Variants in FAM135B observed in about 807,000 individuals in gnomAD.
FAM135B encodes protein FAM135B.
In FAM135B, 43 loss-of-function variants were observed where a neutral mutation model predicts 127.7. The ratio of observed to expected loss-of-function variants is 0.34; its 90% CI spans 0.26 to 0.43. The LOEUF (loss-of-function observed/expected upper bound fraction) is 0.43, where lower values mean the gene tolerates loss of function less well. Among genes scored for constraint, FAM135B ranks in the 20% least tolerant of loss-of-function variants. The pLI is 1.00. For synonymous variants in FAM135B, 670 were observed against 665.1 expected (o/e 1.01, Z -0.11); for missense variants, 1,558 against 1,725.6 (o/e 0.90, Z 1.72).
intron 7 of FAM135B, among the ~76,000 whole-genome samples, chr8:138,233,426 C>G (rs1586838857): frequency 1.3e-5 from 2 of 152,252 alleles, no homozygotes; most frequent in South Asian, 4.1e-4. Context: ...AAATGGCTGC[C>G]TCCGCAACAA....
chr8:138,410,441 G>A (rs1314876383), intron 1 of FAM135B, among the ~76,000 whole-genome samples: 1 of 152,152 alleles, frequency 6.6e-6, no homozygotes, highest in Non-Finnish European at 1.5e-5. Flanking sequence ...TATGGAACTG[G>A]CGATATAGCC....
At chr8:138,236,001 G>T (rs754803739) in intron 7 of FAM135B, among the ~76,000 whole-genome samples, 1 of 152,140 alleles carries the variant, frequency 6.6e-6, no homozygotes, top group East Asian at 1.9e-4. Context: ...TGATCTCCAC[G>T]GGTGAGCCAA....
intron 1 of FAM135B, among the ~76,000 whole-genome samples, chr8:138,370,529 G>A (rs1445582266): frequency 5.9e-5 from 9 of 152,066 alleles, no homozygotes; most frequent in Admixed American, 2.0e-4. Flanking sequence ...TCGGCTCACT[G>A]CAAGCTCGCC....
Position 138,379,982 on chromosome 8 carries a change from C to G in FAM135B, c.-19-11980G>C, listed in dbSNP as rs570488171. ...GTCTTGAGAGTCTATGAATATCACA[C>G]CATCTAATTTTAAGGTTCTGCATTT... On this transcript the variant is annotated intron_variant, in intron 1 of 19. Coordinates refer to ENST00000395297, the MANE Select transcript of FAM135B (RefSeq NM_015912.4). Among the ~76,000 whole-genome samples, 43 of 152,196 alleles carry G rather than the reference C, an allele frequency of 2.8e-4. 1 individual carries two copies. Among genetic ancestry groups the G allele is most frequent in the African/African-American group, 9.9e-4 (41 of 41,530 alleles).
intron 3 of FAM135B, among the ~76,000 whole-genome samples, chr8:138,292,010 T>C (rs6577905): frequency 0.59 from 90,146 of 151,902 alleles, 28,631 homozygotes; most frequent in Non-Finnish European, 0.73. Context: ...TGATCTCATA[T>C]ACAGAGAAGC....
chr8:138,465,375 C>T (rs940908011), intron 1 of FAM135B, among the ~76,000 whole-genome samples: 5 of 152,204 alleles, frequency 3.3e-5, no homozygotes, highest in African/African-American at 1.2e-4. Context: ...GATGGAGCAT[C>T]TCAGGCTTCA....
chr8:138,459,003 G>C (rs1836968011), intron 1 of FAM135B: 1 of 152,236 alleles, frequency 6.6e-6, no homozygotes, highest in African/African-American at 2.4e-5. Flanking sequence ...CAAGCCCAGG[G>C]AATACAGCAG....
chr8:138,231,384 C>T (rs1458528125), intron 7 of FAM135B, among the ~76,000 whole-genome samples: 1 of 152,158 alleles, frequency 6.6e-6, no homozygotes, highest in Non-Finnish European at 1.5e-5. Flanking sequence ...CAGACTTGTT[C>T]ACCACCAACA....
intron 1 of FAM135B, among the ~76,000 whole-genome samples, chr8:138,466,959 G>T (rs909816916): frequency 1.3e-5 from 2 of 152,148 alleles, no homozygotes; most frequent in African/African-American, 4.8e-5. Flanking sequence ...GATTAAGGAG[G>T]TGTGACAAGG....
In FAM135B at chr8:138,177,434, C is replaced by T; in HGVS notation, c.1030-14G>A. 6.2e-7 allele frequency: 1 copy of T among 1,607,444 alleles called. No individual in the cohort carries two copies. Among genetic ancestry groups the T allele is most frequent in the South Asian group, 1.1e-5 (1 of 89,978 alleles). Reference sequence around the variant, plus strand: ...AAACCTTCGGACCTGCAGAATAAAACAATGTAAACAGTTCAATTCTTTAGG... The same window carrying T: ...AAACCTTCGGACCTGCAGAATAAAATAATGTAAACAGTTCAATTCTTTAGG... On this transcript the variant is annotated splice_polypyrimidine_tract_variant and intron_variant, in intron 10 of 19. Coordinates refer to ENST00000395297, the MANE Select transcript of FAM135B (RefSeq NM_015912.4).
chr8:138,397,665 G>A (rs1832923432), intron 1 of FAM135B, among the ~76,000 whole-genome samples: 1 of 152,094 alleles, frequency 6.6e-6, no homozygotes, highest in African/African-American at 2.4e-5. Context: ...GTGACATCAA[G>A]GCTACCTGCC....
chr8:138,267,457 A>G (rs947037930), intron 3 of FAM135B, among the ~76,000 whole-genome samples: 2 of 152,094 alleles, frequency 1.3e-5, no homozygotes, highest in African/African-American at 4.8e-5. Flanking sequence ...CTCTTTAGTA[A>G]GAGAGAAAAT....
intron 1 of FAM135B, among the ~76,000 whole-genome samples, chr8:138,371,330 A>C (rs114558017): frequency 0.032 from 4,834 of 152,218 alleles, 217 homozygotes; most frequent in African/African-American, 0.1. Context: ...ACACATACCT[A>C]ACACACACAT....
rs147817742 is a variant in FAM135B, at chr8:138,470,212, G to A, written c.-20+26459C>T. Among the ~76,000 whole-genome samples, 139 of 152,208 alleles carry A rather than the reference G, an allele frequency of 9.1e-4. 2 individuals carry two copies. The highest frequency in any genetic ancestry group is 2.8e-3 in the African/African-American group (116 of 41,524). On this transcript the variant is annotated intron_variant, in intron 1 of 19. Coordinates refer to ENST00000395297, the MANE Select transcript of FAM135B (RefSeq NM_015912.4). ...AGAAAACACAAAACTTTAGAGAAAT[G>A]TCTCCTAAACATTTTAGAACACACA...
At chr8:138,344,573 C>CTTTT (rs869311243) in intron 2 of FAM135B, among the ~76,000 whole-genome samples, 2 of 113,614 alleles carry the variant, frequency 1.8e-5, no homozygotes, top group Admixed American at 1.0e-4. Context: ...CACTTTCTTT[C>CTTTT]TTTCTTTTTT....
At chr8:138,328,343 A>T (rs1311375166) in intron 2 of FAM135B, among the ~76,000 whole-genome samples, 1 of 152,196 alleles carries the variant, frequency 6.6e-6, no homozygotes, top group East Asian at 1.9e-4. Flanking sequence ...CCGGGACAGC[A>T]TTTAACCTAT....
chr8:138,306,213 T>A (rs1042190354), intron 3 of FAM135B, among the ~76,000 whole-genome samples: 3 of 151,996 alleles, frequency 2.0e-5, no homozygotes, highest in Non-Finnish European at 4.4e-5. Flanking sequence ...GGCGGGCAGA[T>A]CACTTGAGGT....
chr8:138,134,050 G>A (rs192408159), intron 19 of FAM135B, among the ~76,000 whole-genome samples: 2 of 152,230 alleles, frequency 1.3e-5, no homozygotes, highest in African/African-American at 4.8e-5. Context: ...TTAGAGTAGC[G>A]GTCATTACAA....
Position 138,314,693 on chromosome 8 carries a change from C to CAGTAAATAAATAAATAAATAAATA in FAM135B, c.78-3774_78-3773insTATTTATTTATTTATTTATTTACT, listed in dbSNP as rs1554662772. Among the ~76,000 whole-genome samples, 365 of 120,296 alleles carry CAGTAAATAAATAAATAAATAAATA rather than the reference C, an allele frequency of 3.0e-3. 6 individuals are homozygous for CAGTAAATAAATAAATAAATAAATA. The highest frequency in any genetic ancestry group is 0.021 in the Admixed American group (253 of 11,792). The allele number at this position is 120,296 out of a possible 152,430, so 78.9% of individuals were successfully genotyped here. A position where few individuals can be genotyped will look rare whatever the true frequency, so the allele number is the denominator to read the frequency against. On this transcript the variant is annotated intron_variant, in intron 2 of 19. Coordinates refer to ENST00000395297, the MANE Select transcript of FAM135B (RefSeq NM_015912.4). ...GCAATATATGGAGACCCCATCCCTA[C>CAGTAAATAAATAAATAAATAAATA]AATAAATAAATAAATAAATAAATAA...
Sources: gnomAD v4.1 joint callset for allele counts (sites outside exome capture counted in the v4.1 genomes callset) on GRCh38, gnomAD v4.1.1 for gene constraint, MANE v1.5 for transcripts, NCBI Gene and HGNC (gene_info 2026-07-23, HGNC 2026-07-21) for gene names.